Variants in MCM5 observed in about 807,000 individuals in gnomAD.
MCM5 encodes the protein minichromosome maintenance complex component 5, also known as DNA replication licensing factor MCM5.
MCM5 carries 46 observed loss-of-function variants against 79.9 expected under a neutral mutation model. That is an observed-to-expected ratio of 0.58 (90% confidence interval 0.45 to 0.74). The LOEUF (loss-of-function observed/expected upper bound fraction) is 0.74, where lower values mean the gene tolerates loss of function less well. MCM5 is among the 30% of genes least tolerant of loss of function. The pLI is 0.00. For missense variants in MCM5, 883 were observed against 1,017.0 expected (o/e 0.87, Z 1.79); for synonymous variants, 404 against 390.5 (o/e 1.03, Z -0.41).
At chr22:35,442,840 C>A in the MCM5 span, among the ~76,000 whole-genome samples, 1 of 152,232 alleles carries the variant, frequency 6.6e-6, no homozygotes, top group South Asian at 2.1e-4. Context: ...CACTACTCTG[C>A]CCCTGACAGG....
At chr22:35,402,205 AC>A (rs1218566135) in intron 2 of MCM5, among the ~76,000 whole-genome samples, 1 of 152,076 alleles carries the variant, frequency 6.6e-6, no homozygotes, top group Non-Finnish European at 1.5e-5. Context: ...GGAGTTCAAG[AC>A]CTGGCTGGGC....
Position 35,412,648 on chromosome 22 carries a change from T to TTGCC in MCM5, c.1066_1069dup (p.Leu357ProfsTer12). 6.5e-7 allele frequency: 1 copy of TTGCC among 1,535,252 alleles called. No homozygotes were observed. The highest frequency in any genetic ancestry group is 8.8e-7 in the Non-Finnish European group (1 of 1,134,658). On this transcript the variant is annotated frameshift_variant, in exon 8 of 17. Coordinates refer to ENST00000216122, the MANE Select transcript of MCM5 (RefSeq NM_006739.4). LOFTEE classifies it high-confidence loss of function. ...GGGGGCACAGACATGAAGAAGGCCA[T>TTGCC]TGCCTGCCTGCTCTTTGGGGGCTCC...
chr22:35,436,463 A>C, the MCM5 span, among the ~76,000 whole-genome samples: 1 of 152,184 alleles, frequency 6.6e-6, no homozygotes, highest in African/African-American at 2.4e-5. Flanking sequence ...GGCTTTATTG[A>C]AAGCTGGGCA....
chr22:35,403,238 G>A lies in MCM5; in HGVS notation c.199G>A (p.Glu67Lys). ...DELKRHYNLGEYWIEVEMEDL... is the reference protein window; with the variant it reads ...DELKRHYNLGKYWIEVEMEDL... ...ACTCAAGCGGCATTACAACCTGGGG[G>A]AGTACTGGATTGAGGTGGAGATGGA... The change falls in exon 3 of 17, where the codon GAG becomes AAG. Residue 67 changes from glutamate to lysine, a missense_variant. By Grantham distance (56) the Glu-to-Lys change is moderately conservative. Transcript: ENST00000216122. 2 of 1,614,140 alleles carry A rather than the reference G, an allele frequency of 1.2e-6. No individual in the cohort carries two copies. Among genetic ancestry groups the A allele is most frequent in the Non-Finnish European group, 1.7e-6 (2 of 1,180,032 alleles).
At chr22:35,430,190 G>A (rs908128241), downstream of MCM5, among the ~76,000 whole-genome samples, 2 of 152,192 alleles carry the variant, frequency 1.3e-5, no homozygotes, top group African/African-American at 4.8e-5. Context: ...CCTTACACAG[G>A]GTGACGGAGT....
rs4645830 is a variant in MCM5, at chr22:35,425,016, C to T, written c.*761C>T. 68 of 152,306 alleles carry T rather than the reference C, an allele frequency of 4.5e-4. No individual in the cohort carries two copies. The highest frequency in any genetic ancestry group is 1.5e-3 in the African/African-American group (64 of 41,552). The allele number at this position is 152,306 out of a possible 1,614,324, so 9.4% of individuals were successfully genotyped here. A position where few individuals can be genotyped will look rare whatever the true frequency, so the allele number is the denominator to read the frequency against. On this transcript the variant is annotated 3_prime_UTR_variant, in exon 17 of 17. Transcript: ENST00000216122. Reference sequence around the variant, plus strand: ...GGTGGGCCACGTGTAACTGTGTGGCCTTGGGCGAGACATTTCACTTTTCTG... The same window carrying T: ...GGTGGGCCACGTGTAACTGTGTGGCTTTGGGCGAGACATTTCACTTTTCTG...
intron 8 of MCM5, 32 bp downstream of exon 8, chr22:35,412,713 G>T: frequency 7.1e-7 from 1 of 1,412,906 alleles, no homozygotes. Context: ...GGTTTGGGGA[G>T]GCGGCTGATG....
At chr22:35,410,962 A>T (rs755927538) in intron 7 of MCM5, 52 bp downstream of exon 7, 2 of 1,517,112 alleles carry the variant, frequency 1.3e-6, no homozygotes, top group African/African-American at 1.4e-5. Flanking sequence ...CTGTGCTTGC[A>T]TACTTCTGGT....
intron 15 of MCM5, 135 bp from the exon 16 acceptor site, chr22:35,423,079 G>T: frequency 1.1e-6 from 1 of 917,020 alleles, no homozygotes; most frequent in Admixed American, 2.7e-5. Flanking sequence ...CACCACCCTG[G>T]CACACTCGGT....
At chr22:35,420,631 C>T (rs771487606) in intron 14 of MCM5, among the ~76,000 whole-genome samples, 6 of 152,156 alleles carry the variant, frequency 3.9e-5, no homozygotes, top group Non-Finnish European at 8.8e-5. Context: ...ACTCTTAGTC[C>T]GAGATGGCCG....
chr22:35,401,900 T>C (rs1932065634), intron 2 of MCM5: 1 of 361,178 alleles, frequency 2.8e-6, no homozygotes, highest in African/African-American at 2.1e-5. Flanking sequence ...GTAGAAAGCT[T>C]TCTGTCTAGG....
At chr22:35,409,515 AGT>A (rs1459623246) in intron 6 of MCM5, 3 of 152,284 alleles carry the variant, frequency 2.0e-5, no homozygotes, top group Non-Finnish European at 4.4e-5. Flanking sequence ...TTGAGGTTGC[AGT>A]GAGCTGTGAT....
intron 14 of MCM5, among the ~76,000 whole-genome samples, chr22:35,420,868 T>C (rs545175342): frequency 2.6e-5 from 4 of 152,228 alleles, no homozygotes; most frequent in East Asian, 1.9e-4. Context: ...GTGGCCTACA[T>C]TGTGATCCTA....
rs1932536918 is a variant in MCM5, at chr22:35,416,293, C to T, written c.1348-46C>T. 3.2e-6 allele frequency: 5 copies of T among 1,566,648 alleles called. No homozygotes were observed. In the South Asian group the frequency reaches 5.5e-5, roughly 17 times the overall value. On this transcript the variant is annotated intron_variant, in intron 10 of 16. Transcript: ENST00000216122. ...TTTCCTGTTTCTACTGCTCCCTGCT[C>T]CCTCACTTCAGTAGGTCTGATGATA...
intron 14 of MCM5, among the ~76,000 whole-genome samples, chr22:35,420,603 C>T (rs747826058): frequency 1.3e-5 from 2 of 152,224 alleles, no homozygotes; most frequent in African/African-American, 4.8e-5. Flanking sequence ...GGTGTGAGGA[C>T]TCCTCAAGCT....
the MCM5 span, among the ~76,000 whole-genome samples, chr22:35,447,501 C>A: frequency 3.4e-3 from 515 of 151,776 alleles, 3 homozygotes; most frequent in Middle Eastern, 0.017. Flanking sequence ...GAGACAGAGT[C>A]GTATTCTGTT....
chr22:35,414,019 C>G (rs1932466173), intron 9 of MCM5, 33 bp downstream of exon 9: 2 of 1,483,716 alleles, frequency 1.3e-6, no homozygotes, highest in African/African-American at 2.8e-5. Flanking sequence ...GCCACCTTGG[C>G]TTGCAGGGAG....
intron 12 of MCM5, among the ~76,000 whole-genome samples, chr22:35,417,516 C>A (rs1449241575): frequency 6.6e-6 from 1 of 152,224 alleles, no homozygotes; most frequent in Non-Finnish European, 1.5e-5. Flanking sequence ...TGGACCAGGG[C>A]AGAGGAGCAA....
chr22:35,427,339 C>T (rs1379510069), downstream of MCM5, among the ~76,000 whole-genome samples: 3 of 152,168 alleles, frequency 2.0e-5, no homozygotes, highest in African/African-American at 7.2e-5. Flanking sequence ...CATTCTCTTG[C>T]CTGTAAGCAA....
Sources: gnomAD v4.1 joint callset for allele counts (sites outside exome capture counted in the v4.1 genomes callset) on GRCh38, gnomAD v4.1.1 for gene constraint, MANE v1.5 for transcripts, NCBI Gene and HGNC (gene_info 2026-07-23, HGNC 2026-07-21) for gene names.